Variants in HS6ST3 observed in about 807,000 individuals in gnomAD.
HS6ST3 encodes heparan-sulfate 6-O-sulfotransferase 3.
A neutral mutation model predicts 36.7 loss-of-function variants in HS6ST3; 12 were observed. That is an observed-to-expected ratio of 0.33 (90% CI 0.21 to 0.53). The LOEUF is 0.53. Among genes scored for constraint, HS6ST3 ranks in the 20% least tolerant of loss-of-function variants. The pLI is 0.95. For synonymous variants in HS6ST3, 240 were observed against 257.5 expected, an observed-to-expected ratio of 0.93 and a Z score of 0.65; for missense variants, 584 against 640.9, an observed-to-expected ratio of 0.91 and a Z score of 0.96.
intron 1 of HS6ST3, among the ~76,000 whole-genome samples, chr13:96,819,063 C>G (rs949972344): frequency 5.3e-5 from 8 of 152,132 alleles, no homozygotes; most frequent in African/African-American, 1.4e-4. Flanking sequence ...AGAAAGCAAC[C>G]CACTATTTTG....
At chr13:96,270,613 G>GGTATGTA in intron 1 of HS6ST3, among the ~76,000 whole-genome samples, 1 of 151,178 alleles carries the variant, frequency 6.6e-6, no homozygotes, top group Non-Finnish European at 1.5e-5. Context: ...TAATGCTGAG[G>GGTATGTA]GTATATAAAG....
At chr13:96,666,325 C>T (rs1198418472) in intron 1 of HS6ST3, among the ~76,000 whole-genome samples, 3 of 152,182 alleles carry the variant, frequency 2.0e-5, no homozygotes, top group South Asian at 2.1e-4. Flanking sequence ...CAATTCAAGG[C>T]GAGATTTGGG....
intron 1 of HS6ST3, among the ~76,000 whole-genome samples, chr13:96,659,419 T>G (rs941076706): frequency 3.3e-5 from 5 of 152,170 alleles, no homozygotes; most frequent in East Asian, 3.9e-4. Flanking sequence ...AAGCTCTTTG[T>G]TAGACATATG....
chr13:96,798,304 G>C (rs1444613068), intron 1 of HS6ST3, among the ~76,000 whole-genome samples: 2 of 152,006 alleles, frequency 1.3e-5, no homozygotes, highest in Non-Finnish European at 2.9e-5. Context: ...GGGCCCAATT[G>C]ATGAAACCAA....
At chr13:96,215,657 C>T (rs1032461580) in intron 1 of HS6ST3, among the ~76,000 whole-genome samples, 12 of 150,906 alleles carry the variant, frequency 8.0e-5, no homozygotes, top group African/African-American at 1.5e-4. Flanking sequence ...TGAATTTTTT[C>T]GTTTTTTTTC....
At chr13:96,216,597 A>G (rs1032054866) in intron 1 of HS6ST3, among the ~76,000 whole-genome samples, 27 of 152,178 alleles carry the variant, frequency 1.8e-4, no homozygotes, top group African/African-American at 6.5e-4. Context: ...GTCATCATAT[A>G]TACTTCAGAT....
At chr13:96,577,661 C>T (rs1327096043) in intron 1 of HS6ST3, among the ~76,000 whole-genome samples, 1 of 152,132 alleles carries the variant, frequency 6.6e-6, no homozygotes, top group East Asian at 1.9e-4. Flanking sequence ...GAAAATAAAA[C>T]TCCATCAAAA....
At chr13:96,149,950 T>TA (rs1440022294) in intron 1 of HS6ST3, among the ~76,000 whole-genome samples, 1 of 152,224 alleles carries the variant, frequency 6.6e-6, no homozygotes, top group Non-Finnish European at 1.5e-5. Context: ...GTGGTGGTGT[T>TA]ACGGCATCTT....
chr13:96,626,841 TAA>T (rs911342298), intron 1 of HS6ST3, among the ~76,000 whole-genome samples: 3 of 152,040 alleles, frequency 2.0e-5, no homozygotes, highest in African/African-American at 7.2e-5. Context: ...GTATTTTTTT[TAA>T]AAAAATACAT....
In HS6ST3 at chr13:96,457,908, T is replaced by G. The variant is rs79870430; in HGVS notation, c.707+366339T>G. ...TGTCACCTGTTTCATTGAGTTTTTT[T>G]ATTTTTTCCTCATTAAGAAGGCTAA... On this transcript the variant is annotated intron_variant, in intron 1 of 1. Transcript: ENST00000376705. Among the ~76,000 whole-genome samples, 589 of 152,294 alleles carry G rather than the reference T, an allele frequency of 3.9e-3. 4 individuals are homozygous for G. The highest frequency in any genetic ancestry group is 0.014 in the African/African-American group (568 of 41,558).
At chr13:96,723,729 T>C (rs1463689404) in intron 1 of HS6ST3, among the ~76,000 whole-genome samples, 2 of 152,246 alleles carry the variant, frequency 1.3e-5, no homozygotes, top group Non-Finnish European at 2.9e-5. Context: ...CTTCTCTTTC[T>C]CTACCCTTCA....
intron 1 of HS6ST3, among the ~76,000 whole-genome samples, chr13:96,420,449 T>A (rs143463265): frequency 1.3e-5 from 2 of 152,340 alleles, no homozygotes; most frequent in Admixed American, 6.5e-5. Context: ...CTATAACATA[T>A]CACTTAGACT....
chr13:96,200,744 T>C (rs1462156387), intron 1 of HS6ST3, among the ~76,000 whole-genome samples: 1 of 152,240 alleles, frequency 6.6e-6, no homozygotes, highest in African/African-American at 2.4e-5. Flanking sequence ...TGCCCAGCTA[T>C]ACTTTTGAGT....
At chr13:96,657,005 G>C (rs1331352352) in intron 1 of HS6ST3, among the ~76,000 whole-genome samples, 2 of 150,022 alleles carry the variant, frequency 1.3e-5, no homozygotes, top group African/African-American at 4.9e-5. Flanking sequence ...GTGTGAGAGA[G>C]AGAGAGAGAG....
chr13:96,631,340 C>A (rs2056531471), intron 1 of HS6ST3, among the ~76,000 whole-genome samples: 1 of 152,090 alleles, frequency 6.6e-6, no homozygotes, highest in Non-Finnish European at 1.5e-5. Flanking sequence ...TATTTAGCAG[C>A]CTATGGTGCT....
In HS6ST3 at chr13:96,329,807, G is replaced by A. The variant is rs533261390; in HGVS notation, c.707+238238G>A. Among the ~76,000 whole-genome samples the A allele has an allele frequency of 3.3e-4, 39 of 119,618 alleles. No homozygotes were observed. In the East Asian group the frequency reaches 9.3e-3, roughly 29 times the overall value. The allele number at this position is 119,618 out of a possible 152,430, so 78.5% of individuals were successfully genotyped here. A position where few individuals can be genotyped will look rare whatever the true frequency, so the allele number is the denominator to read the frequency against. On this transcript the variant is annotated intron_variant, in intron 1 of 1. Coordinates refer to ENST00000376705, the MANE Select transcript of HS6ST3 (RefSeq NM_153456.4). ...TGTTAAAGTCTCCCATTATTAATGT[G>A]TGGGAGTCTAAGTCTCTTTGTAGGT... is the stretch of plus-strand genomic sequence containing the variant.
chr13:96,778,741 C>A (rs928049230), intron 1 of HS6ST3, among the ~76,000 whole-genome samples: 5 of 152,138 alleles, frequency 3.3e-5, no homozygotes, highest in Non-Finnish European at 7.3e-5. Context: ...ATTAGTTCAA[C>A]CATTGTGGAA....
At chr13:96,829,028 T>G (rs982640795) in intron 1 of HS6ST3, among the ~76,000 whole-genome samples, 3 of 152,338 alleles carry the variant, frequency 2.0e-5, no homozygotes, top group Admixed American at 2.0e-4. Flanking sequence ...TCTTTTCCAT[T>G]GATTTAGCTT....
chr13:96,377,859 A>C (rs1237527375), intron 1 of HS6ST3, among the ~76,000 whole-genome samples: 1 of 152,210 alleles, frequency 6.6e-6, no homozygotes, highest in African/African-American at 2.4e-5. Context: ...AGAGCTCATA[A>C]AAATTAGAGA....
Sources: gnomAD v4.1 joint callset for allele counts (sites outside exome capture counted in the v4.1 genomes callset) on GRCh38, gnomAD v4.1.1 for gene constraint, MANE v1.5 for transcripts, NCBI Gene and HGNC (gene_info 2026-07-23, HGNC 2026-07-21) for gene names.